The following RIMS1 variants were observed in gnomAD, a reference collection of about 807,000 sequenced individuals.
RIMS1 encodes regulating synaptic membrane exocytosis protein 1.
In RIMS1, 83 loss-of-function variants were observed where a neutral mutation model predicts 214.1. The ratio of observed to expected loss-of-function variants is 0.39; its 90% CI spans 0.32 to 0.47. The LOEUF (loss-of-function observed/expected upper bound fraction) is 0.47, where lower values mean the gene tolerates loss of function less well. Among genes scored for constraint, RIMS1 ranks in the 20% least tolerant of loss-of-function variants. The pLI is 0.99. For synonymous variants in RIMS1, 793 were observed against 786.8 expected (o/e 1.01, Z -0.13); for missense variants, 2,050 against 2,161.8 (o/e 0.95, Z 1.03).
chr6:71,984,800 T>C (rs1398595884), intron 2 of RIMS1, among the ~76,000 whole-genome samples: 14 of 151,980 alleles, frequency 9.2e-5, no homozygotes, highest in African/African-American at 3.4e-4. Context: ...TATCTATCTA[T>C]CTATCTATCT....
At chr6:72,058,654 A>G (rs888162963) in intron 2 of RIMS1, among the ~76,000 whole-genome samples, 3 of 152,168 alleles carry the variant, frequency 2.0e-5, no homozygotes, top group Non-Finnish European at 4.4e-5. Flanking sequence ...GTTCCTCCCC[A>G]AAGACCTTTT....
chr6:71,960,302 T>A (rs530682882), intron 1 of RIMS1, among the ~76,000 whole-genome samples: 1 of 152,200 alleles, frequency 6.6e-6, no homozygotes, highest in East Asian at 1.9e-4. Context: ...GTGAGACTAG[T>A]GGTTTTCAAT....
At chr6:72,109,265 G>A (rs1380431704) in intron 4 of RIMS1, among the ~76,000 whole-genome samples, 2 of 152,148 alleles carry the variant, frequency 1.3e-5, no homozygotes, top group South Asian at 4.2e-4. Context: ...AGATCCCTGA[G>A]GAATTGCCAC....
intron 8 of RIMS1, among the ~76,000 whole-genome samples, 161 bp downstream of exon 8, chr6:72,235,889 G>T (rs1307534821): frequency 1.3e-5 from 1 of 77,356 alleles, no homozygotes; most frequent in Non-Finnish European, 2.3e-5. Context: ...AAAATTTAGG[G>T]AAACTAATGT....
At chr6:72,202,726 C>A (rs1250728130) in intron 6 of RIMS1, among the ~76,000 whole-genome samples, 7 of 152,126 alleles carry the variant, frequency 4.6e-5, no homozygotes, top group Non-Finnish European at 2.9e-5. Context: ...TCATGAAGAA[C>A]CTTATTGAGC....
intron 4 of RIMS1, among the ~76,000 whole-genome samples, chr6:72,173,136 T>C (rs2047247081): frequency 6.6e-6 from 1 of 152,234 alleles, no homozygotes; most frequent in East Asian, 1.9e-4. Context: ...ATCATTTTCC[T>C]GAAGACTATT....
At chr6:72,398,047 A>G (rs2098799740) in intron 31 of RIMS1, among the ~76,000 whole-genome samples, 1 of 152,176 alleles carries the variant, frequency 6.6e-6, no homozygotes, top group African/African-American at 2.4e-5. Flanking sequence ...TATTAATACC[A>G]GAAAAAATAA....
chr6:72,133,341 T>G (rs937553441), intron 4 of RIMS1, among the ~76,000 whole-genome samples: 1 of 151,974 alleles, frequency 6.6e-6, no homozygotes, highest in South Asian at 2.1e-4. Context: ...GCCTTCAAGT[T>G]TGTAGAATGC....
At chr6:71,899,782 C>T (rs959656545) in intron 1 of RIMS1, among the ~76,000 whole-genome samples, 2 of 152,066 alleles carry the variant, frequency 1.3e-5, no homozygotes, top group African/African-American at 2.4e-5. Context: ...TAATGGTGGA[C>T]AGTTGGCCCA....
intron 1 of RIMS1, among the ~76,000 whole-genome samples, chr6:71,947,951 A>C (rs1788389562): frequency 6.6e-6 from 1 of 152,132 alleles, no homozygotes; most frequent in Non-Finnish European, 1.5e-5. Context: ...TTTCATAACT[A>C]GTTTTAGTTT....
chr6:71,978,205 A>T (rs146927860), intron 2 of RIMS1, among the ~76,000 whole-genome samples: 1 of 152,282 alleles, frequency 6.6e-6, no homozygotes, highest in Non-Finnish European at 1.5e-5. Context: ...ATGCATATGT[A>T]CATATTTTCT....
chr6:72,164,255 G>C (rs555099616), intron 4 of RIMS1, among the ~76,000 whole-genome samples: 1 of 152,128 alleles, frequency 6.6e-6, no homozygotes, highest in Non-Finnish European at 1.5e-5. Context: ...CAGTATTAGG[G>C]TGGGAGTGAC....
At chr6:71,895,882 C>T (rs896993196) in intron 1 of RIMS1, among the ~76,000 whole-genome samples, 1 of 151,938 alleles carries the variant, frequency 6.6e-6, no homozygotes, top group African/African-American at 2.4e-5. Context: ...AGGTTCTATC[C>T]AGGTCAGAAA....
At chr6:72,049,805 T>C (rs899169293) in intron 2 of RIMS1, among the ~76,000 whole-genome samples, 1 of 152,138 alleles carries the variant, frequency 6.6e-6, no homozygotes, top group African/African-American at 2.4e-5. Flanking sequence ...ATCCTTGCTA[T>C]CTATTTTTAG....
At chr6:72,230,962 T>G (rs2061748446) in intron 6 of RIMS1, among the ~76,000 whole-genome samples, 1 of 151,588 alleles carries the variant, frequency 6.6e-6, no homozygotes, top group South Asian at 2.1e-4. Flanking sequence ...TTTTATTGAC[T>G]GTGAGGACCA....
At chr6:72,226,721 T>G (rs2060299145) in intron 6 of RIMS1, among the ~76,000 whole-genome samples, 4 of 150,500 alleles carry the variant, frequency 2.7e-5, no homozygotes, top group African/African-American at 4.9e-5. Flanking sequence ...AATTAATAAT[T>G]TTTACAAACA....
chr6:72,311,404 A>C (rs1359060519), intron 27 of RIMS1, among the ~76,000 whole-genome samples: 1 of 152,236 alleles, frequency 6.6e-6, no homozygotes, highest in African/African-American at 2.4e-5. Flanking sequence ...GTTAGTCAGA[A>C]TCATGTTATT....
At chr6:72,051,960 G>T (rs1025161529) in intron 2 of RIMS1, among the ~76,000 whole-genome samples, 4 of 152,034 alleles carry the variant, frequency 2.6e-5, no homozygotes, top group African/African-American at 9.7e-5. Context: ...ATTAGTGGTG[G>T]ATTCAAACAA....
Position 72,182,517 on chromosome 6 carries a change from A to T in RIMS1, c.1046A>T (p.Glu349Val), listed in dbSNP as rs763316706. The T allele has an allele frequency of 6.3e-7, 1 of 1,584,682 alleles. No individual in the cohort carries two copies. Among genetic ancestry groups the T allele is most frequent in the Non-Finnish European group, 8.6e-7 (1 of 1,165,636 alleles). Reference protein sequence around the residue: ...AADEEKQRKEEDYQTRYRSDP... With the variant: ...AADEEKQRKEVDYQTRYRSDP... The stretch of plus-strand genomic sequence containing the variant: ...GATGAGGAAAAGCAAAGAAAAGAGG[A>T]GGATTATCAGACCAGGTACCGCAGC... Residue 349 changes from glutamate (E) to valine (V), a missense_variant, in exon 6 of 34, where the codon GAG (glutamate) becomes GTG (valine). This residue lies in a region of RIMS1 where 882 missense variants were observed against 828.9 expected (regional missense o/e 1.06). Transcript: ENST00000521978.
Sources: allele counts gnomAD v4.1 joint callset (sites outside exome capture counted in the v4.1 genomes callset), GRCh38; gene constraint gnomAD v4.1.1; regional missense constraint gnomAD v4.1.1; transcripts MANE v1.5; gene names NCBI Gene and HGNC (gene_info 2026-07-23, HGNC 2026-07-21).